CIB1: variants seen among roughly 807,000 people sequenced by gnomAD.
The protein encoded by CIB1 is calcium and integrin-binding protein 1.
CIB1 carries 19 observed loss-of-function variants against 25.0 expected under a neutral mutation model. The ratio of observed to expected loss-of-function variants is 0.76; its 90% CI spans 0.53 to 1.12. The LOEUF is 1.12. Ranked by LOEUF, CIB1 falls within the 50% of genes most tolerant of loss-of-function variation. The pLI is 0.00. For synonymous variants in CIB1, 104 were observed against 98.5 expected (o/e 1.06, Z -0.33); for missense variants, 236 against 242.6 (o/e 0.97, Z 0.18).
chr15:90,251,552 A>T, the CIB1 span: 11 of 1,613,806 alleles, frequency 6.8e-6, no homozygotes, highest in Admixed American at 1.8e-4. Flanking sequence ...CCTCCATTCC[A>T]GATCACTGGC....
At chr15:90,239,808 C>T in the CIB1 span, among the ~76,000 whole-genome samples, 2 of 152,272 alleles carry the variant, frequency 1.3e-5, no homozygotes, top group Non-Finnish European at 1.5e-5. Context: ...GCCTGTAGTT[C>T]CAGATACTTG....
chr15:90,256,069 G>A, the CIB1 span: 2 of 1,579,042 alleles, frequency 1.3e-6, no homozygotes, highest in African/African-American at 1.4e-5. Context: ...TAGATAGCAG[G>A]AAGAGCTCCA....
Position 90,233,738 on chromosome 15 carries a change from C to G in CIB1, c.52-35G>C, listed in dbSNP as rs754984051. On this transcript the variant is annotated intron_variant, in intron 1 of 6. Transcript: ENST00000328649. ...AAAGCCAGAGCGGGGATTAGCGGAC[C>G]GCTGGGAGGCCGCGGCCGCCCCGCA... 28 of 1,559,814 alleles carry G rather than the reference C, an allele frequency of 1.8e-5. No homozygotes were observed. The African/African-American group carries it at 2.2e-4, about 12-fold the overall frequency.
the CIB1 span, among the ~76,000 whole-genome samples, chr15:90,251,764 C>T: frequency 6.7e-6 from 1 of 149,574 alleles, no homozygotes; most frequent in Non-Finnish European, 1.5e-5. Context: ...ACACTGGAAG[C>T]TGAGACATTG....
chr15:90,248,669 C>T, the CIB1 span, among the ~76,000 whole-genome samples: 95 of 123,652 alleles, frequency 7.7e-4, 2 homozygotes, highest in South Asian at 0.022. Context: ...CAGTGAGCTG[C>T]GATCACACCA....
the CIB1 span, chr15:90,258,344 A>G: frequency 2.3e-6 from 3 of 1,306,838 alleles, no homozygotes; most frequent in South Asian, 1.2e-5. Flanking sequence ...GGACAGGGGT[A>G]CACTCAGGTG....
At chr15:90,262,333 T>C in the CIB1 span, 1 of 1,156,308 alleles carries the variant, frequency 8.6e-7, no homozygotes, top group South Asian at 1.7e-5. Flanking sequence ...TAGTGACTCT[T>C]TTCAGTTTAG....
At chr15:90,261,969 A>G in the CIB1 span, 3 of 1,479,036 alleles carry the variant, frequency 2.0e-6, no homozygotes, top group Non-Finnish European at 2.7e-6. Flanking sequence ...ACATTCCCAC[A>G]GCCCTACTCT....
At chr15:90,232,475 A>G in intron 2 of CIB1, 148 bp from the exon 3 acceptor site, 2 of 1,324,638 alleles carry the variant, frequency 1.5e-6, no homozygotes, top group Non-Finnish European at 2.0e-6. Context: ...AACGGTAAGC[A>G]AAAGGACATG....
At chr15:90,232,958 A>T (rs1044465322) in intron 2 of CIB1, among the ~76,000 whole-genome samples, 3 of 151,830 alleles carry the variant, frequency 2.0e-5, no homozygotes, top group Admixed American at 6.6e-5. Flanking sequence ...AAAAGAGCAA[A>T]ACCAAAAATC....
chr15:90,243,237 A>G, the CIB1 span: 1 of 152,092 alleles, frequency 6.6e-6, no homozygotes, highest in African/African-American at 2.4e-5. Context: ...GCTCCACCCA[A>G]ATGCCCCACT....
At chr15:90,251,222 T>G in the CIB1 span, among the ~76,000 whole-genome samples, 1 of 147,564 alleles carries the variant, frequency 6.8e-6, no homozygotes, top group Non-Finnish European at 1.5e-5. Context: ...CAGGCCATTC[T>G]CCTGCCTCAG....
At chr15:90,246,996 G>A in the CIB1 span, among the ~76,000 whole-genome samples, 1 of 149,202 alleles carries the variant, frequency 6.7e-6, no homozygotes, top group Admixed American at 6.7e-5. Context: ...TTTCTTTTGA[G>A]ACGGAGTCTC....
At chr15:90,257,634 C>T in the CIB1 span, 1 of 1,613,986 alleles carries the variant, frequency 6.2e-7, no homozygotes, top group Non-Finnish European at 8.5e-7. Context: ...ACTCTTTCCA[C>T]AGGACAATGT....
At chr15:90,246,817 A>G in the CIB1 span, among the ~76,000 whole-genome samples, 1 of 139,854 alleles carries the variant, frequency 7.2e-6, no homozygotes, top group African/African-American at 2.7e-5. Flanking sequence ...AAAAAAAAAA[A>G]AAAAAAAAAA....
the CIB1 span, chr15:90,256,139 A>G: frequency 6.2e-7 from 1 of 1,614,024 alleles, no homozygotes; most frequent in Non-Finnish European, 8.5e-7. Context: ...CTCTGCACAT[A>G]GCTATGGGGA....
intron 2 of CIB1, among the ~76,000 whole-genome samples, chr15:90,232,929 CAAAA>C (rs35084096): frequency 7.3e-6 from 1 of 136,244 alleles, no homozygotes; most frequent in African/African-American, 2.7e-5. Flanking sequence ...GACGCTGTCT[CAAAA>C]AAAAAAAAAC....
chr15:90,264,059 G>C, the CIB1 span: 464 of 1,524,758 alleles, frequency 3.0e-4, 2 homozygotes, highest in Middle Eastern at 7.4e-3. Flanking sequence ...CTCACTAGCC[G>C]TAAGTATGCA....
chr15:90,253,642 G>C, the CIB1 span, among the ~76,000 whole-genome samples: 16 of 152,288 alleles, frequency 1.1e-4, no homozygotes, highest in Admixed American at 1.0e-3. Context: ...GCCCTCTCCA[G>C]GGTGGGTGAG....
Sources: gnomAD v4.1 joint callset for allele counts (sites outside exome capture counted in the v4.1 genomes callset) on GRCh38, gnomAD v4.1.1 for gene constraint, MANE v1.5 for transcripts, NCBI Gene and HGNC (gene_info 2026-07-23, HGNC 2026-07-21) for gene names.